MYSM1: variants seen among roughly 807,000 people sequenced by gnomAD.
MYSM1 encodes deubiquitinase MYSM1.
Under a neutral mutation model 116.0 loss-of-function variants are expected in MYSM1, and 51 were observed. The ratio of observed to expected loss-of-function variants is 0.44; its 90% CI spans 0.35 to 0.56. The LOEUF (loss-of-function observed/expected upper bound fraction) is 0.56, where lower values mean the gene tolerates loss of function less well. Among genes scored for constraint, MYSM1 ranks in the 20% least tolerant of loss-of-function variants. The pLI is 0.00. For synonymous variants in MYSM1, 313 were observed against 315.2 expected, an observed-to-expected ratio of 0.99 and a Z score of 0.07; for missense variants, 900 against 974.9, an observed-to-expected ratio of 0.92 and a Z score of 1.02.
intron 11 of MYSM1, among the ~76,000 whole-genome samples, chr1:58,673,280 T>C (rs1301726623): frequency 5.9e-5 from 9 of 152,190 alleles, no homozygotes. Flanking sequence ...TTCCAATAAA[T>C]GTTTAATGAA....
chr1:58,694,999 T>C, intron 2 of MYSM1, 130 bp downstream of exon 2: 1 of 449,848 alleles, frequency 2.2e-6, no homozygotes, highest in South Asian at 5.2e-5. Flanking sequence ...AATTCTAAAT[T>C]TCTAAAAAAG....
In MYSM1 at chr1:58,669,842, AAAAAAAAAAAAAAAAAAAAAC is replaced by A. The variant is rs1468727544; in HGVS notation, c.1662-825_1662-805del. Among the ~76,000 whole-genome samples the A allele has an allele frequency of 2.1e-5, 3 of 142,602 alleles. No homozygotes were observed. The South Asian group carries it at 7.0e-4, about 33-fold the overall frequency. 93.6% of individuals were successfully genotyped at this position (142,602 alleles called of 152,430 possible). A position where few individuals can be genotyped will look rare whatever the true frequency, so the allele number is the denominator to read the frequency against. ...CAGAGTGAGACCCTGTCTCCAAAAA[AAAAAAAAAAAAAAAAAAAAAC>A]AAAAAAGTGAAAAAGTAAAAAGAGG... On this transcript the variant is annotated intron_variant, in intron 12 of 19. Transcript: ENST00000472487.
At chr1:58,697,156 T>C (rs1167052599) in intron 1 of MYSM1, among the ~76,000 whole-genome samples, 1 of 151,668 alleles carries the variant, frequency 6.6e-6, no homozygotes, top group Non-Finnish European at 1.5e-5. Flanking sequence ...GGTAGAGGAG[T>C]AGAAGGAGGG....
intron 8 of MYSM1, among the ~76,000 whole-genome samples, chr1:58,679,193 C>T (rs1037557761): frequency 2.6e-5 from 4 of 151,984 alleles, no homozygotes; most frequent in Non-Finnish European, 5.9e-5. Context: ...TTAACACCAC[C>T]TCCAGTGCCT....
At chr1:58,684,787 A>G (rs1192803104) in intron 7 of MYSM1, among the ~76,000 whole-genome samples, 1 of 152,184 alleles carries the variant, frequency 6.6e-6, no homozygotes, top group Non-Finnish European at 1.5e-5. Context: ...GTAAGCTCTA[A>G]TAATTCTTAA....
rs1485016800 is a variant in MYSM1, at chr1:58,685,219, T to C, written c.432A>G (p.Ser144=). The change falls in exon 7 of 20, where the codon TCA becomes TCG. Residue 144 remains serine (S), a synonymous_variant. Transcript: ENST00000472487. ...AAACAGTGCGGCTTCCAATTAGCTTTGAAATTTTGGTCCATCTTCGGCCAA... is the reference window on the plus strand; with the variant it reads ...AAACAGTGCGGCTTCCAATTAGCTTCGAAATTTTGGTCCATCTTCGGCCAA... ...AKFGRRWTKI[S]KLIGSRTVLQ... 1 of 1,608,092 alleles carries C rather than the reference T, an allele frequency of 6.2e-7. No individual in the cohort carries two copies. Among genetic ancestry groups the C allele is most frequent in the East Asian group, 2.2e-5 (1 of 44,666 alleles).
At chr1:58,667,365 G>T in intron 15 of MYSM1, 139 bp from the exon 16 acceptor site, 1 of 552,058 alleles carries the variant, frequency 1.8e-6, no homozygotes, top group Non-Finnish European at 2.9e-6. Flanking sequence ...CCTTTAACTT[G>T]CAAATGACTT....
chr1:58,669,790 T>C (rs1279999398), intron 12 of MYSM1, among the ~76,000 whole-genome samples: 3 of 125,514 alleles, frequency 2.4e-5, no homozygotes, highest in African/African-American at 6.3e-5. Flanking sequence ...ATTTCACCAC[T>C]CTACTACTCC....
rs1406313320 is a variant in MYSM1, at chr1:58,689,080, T to C, written c.357A>G (p.Val119=). The C allele has an allele frequency of 5.6e-6, 9 of 1,611,922 alleles. No individual in the cohort carries two copies. The highest frequency in any genetic ancestry group is 7.6e-6 in the Non-Finnish European group (9 of 1,179,556). ...HSPTKPASYS[V]KWTIEEKELF... ...GCTCTTTTTCTTCTATCGTCCACTT[T>C]ACTGAGTAACTGGCTGGTTTTGTAG... The change falls in exon 6 of 20, where the codon GTA becomes GTG. Residue 119 remains valine, a synonymous_variant. Transcript: ENST00000472487.
chr1:58,699,759 A>G, intron 1 of MYSM1: 1 of 985,466 alleles, frequency 1.0e-6, no homozygotes, highest in Non-Finnish European at 1.2e-6. Flanking sequence ...AGCATCCGGC[A>G]AAAGGTGAAA....
chr1:58,699,885 C>G (rs2100693273), intron 1 of MYSM1, 100 bp downstream of exon 1: 2 of 1,569,060 alleles, frequency 1.3e-6, no homozygotes, highest in Non-Finnish European at 8.6e-7. Flanking sequence ...GGACAGTCTT[C>G]TGTTCCCTTT....
Position 58,685,428 on chromosome 1 carries a change from C to A in MYSM1, c.400-177G>T, listed in dbSNP as rs920069363. Among the ~76,000 whole-genome samples, 5 of 151,890 alleles carry A rather than the reference C, an allele frequency of 3.3e-5. No homozygotes were observed. In the South Asian group the frequency reaches 8.3e-4, roughly 25 times the overall value. On this transcript the variant is annotated intron_variant, in intron 6 of 19. Coordinates refer to ENST00000472487, the MANE Select transcript of MYSM1 (RefSeq NM_001085487.3). ...CTTAAAATCAAAGCCTACATTCATT[C>A]TTTTGGAATCTGAACTACTGAAAAC...
chr1:58,669,855 A>C (rs1557509471), intron 12 of MYSM1, among the ~76,000 whole-genome samples: 2 of 149,600 alleles, frequency 1.3e-5, no homozygotes, highest in African/African-American at 4.9e-5. Flanking sequence ...AAAAAAAAAA[A>C]AAAAAAACAA....
intron 2 of MYSM1, among the ~76,000 whole-genome samples, chr1:58,693,253 C>T (rs1644927435): frequency 1.3e-5 from 2 of 152,208 alleles, no homozygotes; most frequent in Non-Finnish European, 2.9e-5. Context: ...GCATCAGACA[C>T]TCTGTCAGAC....
intron 16 of MYSM1, among the ~76,000 whole-genome samples, chr1:58,666,550 A>C (rs1644472205): frequency 6.6e-6 from 1 of 150,730 alleles, no homozygotes; most frequent in Admixed American, 6.7e-5. Flanking sequence ...TGTTCTTTTA[A>C]AACCCCCAGT....
intron 11 of MYSM1, among the ~76,000 whole-genome samples, chr1:58,672,680 C>T (rs1242656195): frequency 6.6e-6 from 1 of 152,032 alleles, no homozygotes; most frequent in East Asian, 1.9e-4. Flanking sequence ...GCTTTGTTCC[C>T]TCAGCCTAAA....
chr1:58,673,764 T>C lies in MYSM1; in HGVS notation c.1495-114A>G, dbSNP rs910342570. On this transcript the variant is annotated intron_variant, in intron 10 of 19. Transcript: ENST00000472487. ...ATCTAAAAGTCAATTAATCTATCAA[T>C]TTAAATAGTATAACCTCTGGCAATG... The C allele has an allele frequency of 3.5e-6, 3 of 857,660 alleles. No homozygotes were observed. In the African/African-American group the frequency reaches 5.1e-5, roughly 15 times the overall value. 53.1% of individuals were successfully genotyped at this position (857,660 alleles called of 1,614,324 possible).
intron 8 of MYSM1, among the ~76,000 whole-genome samples, chr1:58,677,585 G>A (rs889952569): frequency 1.3e-5 from 2 of 152,002 alleles, no homozygotes; most frequent in Admixed American, 6.6e-5. Context: ...AGAAACAGAC[G>A]TTATAAGGGA....
intron 1 of MYSM1, among the ~76,000 whole-genome samples, chr1:58,698,100 A>ATTTTTTTTTTTTTT (rs1446935480): frequency 2.0e-3 from 10 of 4,960 alleles, no homozygotes; most frequent in African/African-American, 3.4e-3. Context: ...ATATATATAT[A>ATTTTTTTTTTTTTT]TATTTTTTTT....
Sources: gnomAD v4.1 joint callset for allele counts (sites outside exome capture counted in the v4.1 genomes callset) on GRCh38, gnomAD v4.1.1 for gene constraint, MANE v1.5 for transcripts, NCBI Gene and HGNC (gene_info 2026-07-23, HGNC 2026-07-21) for gene names.